CSMD1: variants seen among roughly 807,000 people sequenced by gnomAD.
CSMD1 encodes CUB and Sushi multiple domains 1, also known as CUB and sushi domain-containing protein 1.
CSMD1 carries 213 observed loss-of-function variants against 417.5 expected under a neutral mutation model. The observed-to-expected ratio is 0.51, with a 90% CI of 0.46 to 0.57. The LOEUF is 0.57. Ranked by LOEUF, CSMD1 falls within the 20% of genes least tolerant of loss-of-function variation. The pLI, the probability that CSMD1 is intolerant of heterozygous loss-of-function variation, is 0.00. For missense variants in CSMD1, 6,923 were observed against 4,529.7 expected (o/e 1.53, Z -15.17); for synonymous variants, 2,862 against 1,736.8 (o/e 1.65, Z -16.11).
intron 7 of CSMD1, among the ~76,000 whole-genome samples, chr8:3,653,334 G>C (rs1262114316): frequency 3.3e-5 from 5 of 152,032 alleles, no homozygotes; most frequent in African/African-American, 1.2e-4. Flanking sequence ...GTTGTTTTGA[G>C]ATTCACTTTT....
chr8:4,016,447 C>T (rs563447800), intron 4 of CSMD1, among the ~76,000 whole-genome samples: 13 of 152,234 alleles, frequency 8.5e-5, no homozygotes, highest in East Asian at 1.9e-4. Flanking sequence ...GTCTCTTAGA[C>T]GTCTCCAGGT....
At chr8:4,366,251 A>G (rs55941740) in intron 3 of CSMD1, among the ~76,000 whole-genome samples, 2 of 101,786 alleles carry the variant, frequency 2.0e-5, no homozygotes, top group Admixed American at 2.0e-4. Context: ...AAAAGACGTG[A>G]TTCTTTTTTT....
rs547223727 is a variant in CSMD1, at chr8:4,938,260, A to G, written c.85+56072T>C. Among the ~76,000 whole-genome samples, 3 of 152,312 alleles carry G rather than the reference A, an allele frequency of 2.0e-5. No individual in the cohort carries two copies. In the East Asian group the frequency reaches 5.8e-4, roughly 29 times the overall value. ...TAGAAAATGGATTTCAATAATTTCC[A>G]AAACTCTATTTGTTGGACTTTGCAG... On this transcript the variant is annotated intron_variant, in intron 1 of 69. Transcript: ENST00000635120.
At chr8:3,335,840 T>G (rs1807225667) in intron 23 of CSMD1, among the ~76,000 whole-genome samples, 1 of 152,118 alleles carries the variant, frequency 6.6e-6, no homozygotes, top group Non-Finnish European at 1.5e-5. Flanking sequence ...TTTGCCAGGG[T>G]GGAGACTGGG....
At chr8:2,977,263 C>G (rs968615684) in intron 55 of CSMD1, among the ~76,000 whole-genome samples, 1 of 152,114 alleles carries the variant, frequency 6.6e-6, no homozygotes, top group Non-Finnish European at 1.5e-5. Flanking sequence ...CTCTCCCTCC[C>G]CCTACCCTAC....
intron 3 of CSMD1, among the ~76,000 whole-genome samples, chr8:4,330,772 C>G (rs1197569526): frequency 1.3e-5 from 2 of 152,146 alleles, no homozygotes; most frequent in African/African-American, 2.4e-5. Context: ...CATCTCCTCC[C>G]TACTTATCAT....
intron 7 of CSMD1, among the ~76,000 whole-genome samples, chr8:3,622,998 T>C (rs745786100): frequency 4.5e-4 from 69 of 152,152 alleles, no homozygotes; most frequent in Non-Finnish European, 1.9e-4. Flanking sequence ...ATGACATAGA[T>C]AGTAATAAAT....
chr8:3,115,203 CCCCT>C (rs925699164), intron 42 of CSMD1, among the ~76,000 whole-genome samples: 7 of 141,038 alleles, frequency 5.0e-5, no homozygotes, highest in South Asian at 2.5e-4. Context: ...ATCCCCCCCC[CCCCT>C]TTTTTTTTTT....
chr8:4,423,535 G>C (rs190641870), intron 2 of CSMD1, among the ~76,000 whole-genome samples: 7 of 152,078 alleles, frequency 4.6e-5, no homozygotes, highest in African/African-American at 1.4e-4. Flanking sequence ...CAACACTGAA[G>C]AAAAAGTTCA....
chr8:3,264,419 T>C (rs928162531), intron 26 of CSMD1, among the ~76,000 whole-genome samples: 2 of 152,180 alleles, frequency 1.3e-5, no homozygotes, highest in Non-Finnish European at 2.9e-5. Context: ...TGTGCCTTTT[T>C]GCCACACAAG....
chr8:3,518,084 C>G (rs890068206), intron 10 of CSMD1, among the ~76,000 whole-genome samples: 3 of 151,734 alleles, frequency 2.0e-5, no homozygotes, highest in African/African-American at 7.3e-5. Context: ...GTGATTATAA[C>G]TATAAAACAA....
intron 8 of CSMD1, 97 bp from the exon 9 acceptor site, chr8:3,586,357 G>A (rs1335495285): frequency 8.1e-7 from 1 of 1,237,998 alleles, no homozygotes; most frequent in Non-Finnish European, 1.1e-6. Flanking sequence ...CTACGATCTT[G>A]TTCAGTTAAA....
At chr8:3,729,330 G>A (rs889961127) in intron 6 of CSMD1, among the ~76,000 whole-genome samples, 1 of 152,172 alleles carries the variant, frequency 6.6e-6, no homozygotes, top group Non-Finnish European at 1.5e-5. Flanking sequence ...GTGGGCTTCG[G>A]AGTGAGACTT....
chr8:4,204,503 A>G (rs1317033256), intron 3 of CSMD1, among the ~76,000 whole-genome samples: 1 of 152,180 alleles, frequency 6.6e-6, no homozygotes, highest in Non-Finnish European at 1.5e-5. Flanking sequence ...AACCAGATTC[A>G]ATTTCCATAA....
chr8:4,045,078 G>T (rs1798081153), intron 3 of CSMD1, among the ~76,000 whole-genome samples: 1 of 152,182 alleles, frequency 6.6e-6, no homozygotes, highest in Non-Finnish European at 1.5e-5. Context: ...GGTATGGTGT[G>T]GAGGCCACAG....
chr8:4,703,647 G>A (rs1224525072), intron 1 of CSMD1, among the ~76,000 whole-genome samples: 1 of 152,122 alleles, frequency 6.6e-6, no homozygotes, highest in Non-Finnish European at 1.5e-5. Flanking sequence ...AATATTTCAA[G>A]AAAAGTAATC....
At chr8:4,452,383 C>G (rs1384410868) in intron 2 of CSMD1, among the ~76,000 whole-genome samples, 2 of 152,152 alleles carry the variant, frequency 1.3e-5, no homozygotes, top group South Asian at 2.1e-4. Context: ...AAGGCGTAGC[C>G]TCGAGGGCTT....
In CSMD1 at chr8:3,586,277, G is replaced by GAAA. The variant is rs5888973; in HGVS notation, c.1098-20_1098-18dup. On this transcript the variant is annotated splice_polypyrimidine_tract_variant and intron_variant, in intron 8 of 69. Coordinates refer to ENST00000635120, the MANE Select transcript of CSMD1 (RefSeq NM_033225.6). ...GCACCAACCCTAAGCCGTTAAAAAA[G>GAAA]AAAAAAAAAAACCCAAATTATTTAC... is the stretch of plus-strand genomic sequence containing the variant. The GAAA allele has an allele frequency of 1.6e-4, 219 of 1,378,134 alleles. No individual in the cohort carries two copies. The highest frequency in any genetic ancestry group is 5.4e-4 in the South Asian group (38 of 70,126). 85.4% of individuals were successfully genotyped at this position (1,378,134 alleles called of 1,614,324 possible).
chr8:4,508,153 A>G (rs1802630406), intron 2 of CSMD1, among the ~76,000 whole-genome samples: 2 of 64,268 alleles, frequency 3.1e-5, no homozygotes, highest in Admixed American at 5.3e-4. Context: ...GCAGGGGAAG[A>G]GGTAATATTT....
Sources: gnomAD v4.1 joint callset for allele counts (sites outside exome capture counted in the v4.1 genomes callset) on GRCh38, gnomAD v4.1.1 for gene constraint, MANE v1.5 for transcripts, NCBI Gene and HGNC (gene_info 2026-07-23, HGNC 2026-07-21) for gene names.